Variants in GPC5 observed in about 807,000 individuals in gnomAD.
GPC5 encodes the protein glypican 5, also known as glypican-5.
In GPC5, 47 loss-of-function variants were observed where a neutral mutation model predicts 53.9. The ratio of observed to expected loss-of-function variants is 0.87; its 90% confidence interval spans 0.69 to 1.11. GPC5 has a LOEUF of 1.11. Ranked by LOEUF, GPC5 falls within the 50% of genes most tolerant of loss-of-function variation. The pLI is 0.00. For synonymous variants in GPC5, 286 were observed against 263.3 expected, an observed-to-expected ratio of 1.09 and a Z score of -0.84; for missense variants, 748 against 713.1, an observed-to-expected ratio of 1.05 and a Z score of -0.56.
chr13:92,666,679 A>G (rs1308371048), intron 7 of GPC5, among the ~76,000 whole-genome samples: 1 of 152,212 alleles, frequency 6.6e-6, no homozygotes, highest in East Asian at 1.9e-4. Context: ...CTTTTAATGC[A>G]ATTTGAAGGG....
chr13:91,492,603 T>C (rs778274598), intron 2 of GPC5, among the ~76,000 whole-genome samples: 14 of 152,324 alleles, frequency 9.2e-5, no homozygotes, highest in Non-Finnish European at 1.5e-4. Context: ...GCCCACACAT[T>C]GTGGAGTACC....
intron 7 of GPC5, among the ~76,000 whole-genome samples, chr13:92,799,974 T>C (rs1156929654): frequency 1.3e-5 from 2 of 151,834 alleles, no homozygotes; most frequent in African/African-American, 4.8e-5. Context: ...GTTAGCTAGT[T>C]CTCACCTTAC....
chr13:91,820,674 A>AG (rs2038478006), intron 5 of GPC5, among the ~76,000 whole-genome samples: 1 of 152,190 alleles, frequency 6.6e-6, no homozygotes, highest in Admixed American at 6.5e-5. Context: ...TCAAGAATAT[A>AG]CTTCCAGGGC....
At chr13:92,432,353 G>A (rs558775157) in intron 7 of GPC5, among the ~76,000 whole-genome samples, 21 of 145,180 alleles carry the variant, frequency 1.4e-4, no homozygotes, top group African/African-American at 5.3e-4. Flanking sequence ...ATTGTTGGTG[G>A]TGGGTTTTTT....
In GPC5 at chr13:92,447,705, T is replaced by C. The variant is rs569864684; in HGVS notation, c.1561+302716T>C. On this transcript the variant is annotated intron_variant, in intron 7 of 7. Coordinates refer to ENST00000377067, the MANE Select transcript of GPC5 (RefSeq NM_004466.6). ...TATTATTACCTTCGCATTTTAAAGATGACATGAAATGTAAAGATCATTTAA... is the reference window on the plus strand; with the variant it reads ...TATTATTACCTTCGCATTTTAAAGACGACATGAAATGTAAAGATCATTTAA... 5 of 152,248 alleles carry C rather than the reference T, an allele frequency of 3.3e-5. No individual in the cohort carries two copies. In the South Asian group the frequency reaches 8.3e-4, roughly 25 times the overall value. The allele number at this position is 152,248 out of a possible 1,614,324, so 9.4% of individuals were successfully genotyped here. A position where few individuals can be genotyped will look rare whatever the true frequency, so the allele number is the denominator to read the frequency against.
At position 92,550,146 on chromosome 13, in the gene GPC5, A is replaced by G. The variant is rs143865180; in HGVS notation, c.1562-316136A>G. ...TTATTTCTACATGTAATTTGATTCC[A>G]TTTATATTACTTAGATGTATATTTA... is the stretch of plus-strand genomic sequence containing the variant. On this transcript the variant is annotated intron_variant, in intron 7 of 7. Transcript: ENST00000377067. Among the ~76,000 whole-genome samples the G allele has an allele frequency of 2.2e-3, 327 of 151,888 alleles. 1 individual carries two copies. The highest frequency in any genetic ancestry group is 3.2e-3 in the Non-Finnish European group (217 of 67,816).
intron 7 of GPC5, among the ~76,000 whole-genome samples, chr13:92,863,657 C>A (rs1199882088): frequency 1.3e-5 from 2 of 152,116 alleles, no homozygotes; most frequent in Non-Finnish European, 2.9e-5. Flanking sequence ...CCACACCTGG[C>A]TAATTTTGTA....
At chr13:92,659,312 T>C (rs550233178) in intron 7 of GPC5, 51 of 152,264 alleles carry the variant, frequency 3.3e-4, no homozygotes, top group African/African-American at 1.2e-3. Context: ...TGTAGTTTCA[T>C]ATACAATTTG....
At chr13:92,486,415 T>A (rs1482697157) in intron 7 of GPC5, among the ~76,000 whole-genome samples, 2 of 152,220 alleles carry the variant, frequency 1.3e-5, no homozygotes, top group African/African-American at 4.8e-5. Context: ...TTTTGTAAAA[T>A]AGAAACCACA....
intron 5 of GPC5, among the ~76,000 whole-genome samples, chr13:91,798,224 G>A (rs193037991): frequency 2.0e-5 from 3 of 152,096 alleles, no homozygotes; most frequent in Non-Finnish European, 2.9e-5. Flanking sequence ...TGTAGGAAGC[G>A]CAGGTTTGTT....
In GPC5 at chr13:92,866,671, C is replaced by T; in HGVS notation, c.*232C>T. 3.2e-6 allele frequency: 1 copy of T among 309,978 alleles called. No homozygotes were observed. 19.2% of individuals were successfully genotyped at this position (309,978 alleles called of 1,614,324 possible). On this transcript the variant is annotated 3_prime_UTR_variant, in exon 8 of 8. Transcript: ENST00000377067. ...TCAATCTAACTGAAAACCTTCTTAA[C>T]TTCTAATATATTAAATCTGAAGATG...
intron 7 of GPC5, among the ~76,000 whole-genome samples, chr13:92,637,322 A>G (rs959255731): frequency 1.3e-5 from 2 of 152,204 alleles, no homozygotes; most frequent in African/African-American, 4.8e-5. Context: ...CTATCCACAG[A>G]GAGAGCTTCA....
chr13:92,186,373 CT>C (rs1593974094), intron 7 of GPC5, among the ~76,000 whole-genome samples: 1 of 151,772 alleles, frequency 6.6e-6, no homozygotes, highest in African/African-American at 2.4e-5. Context: ...TTTCCAGAGA[CT>C]GCAAGGGAAA....
intron 7 of GPC5, among the ~76,000 whole-genome samples, chr13:92,718,665 G>A (rs144080811): frequency 7.1e-4 from 108 of 152,076 alleles, no homozygotes; most frequent in Middle Eastern, 6.8e-3. Context: ...TACAGTCAAC[G>A]GGGTTAAAGA....
intron 5 of GPC5, among the ~76,000 whole-genome samples, chr13:91,790,557 AG>A (rs1158045715): frequency 1.3e-5 from 2 of 152,202 alleles, no homozygotes; most frequent in Non-Finnish European, 2.9e-5. Context: ...AGCTTATGTT[AG>A]GGGTATAATG....
intron 3 of GPC5, among the ~76,000 whole-genome samples, chr13:91,696,888 G>A (rs1301837468): frequency 1.3e-5 from 2 of 152,164 alleles, no homozygotes; most frequent in Non-Finnish European, 2.9e-5. Flanking sequence ...GGAATTAAAA[G>A]CACAAGTCCA....
chr13:92,109,938 C>A (rs910068652), intron 6 of GPC5, among the ~76,000 whole-genome samples: 2 of 151,936 alleles, frequency 1.3e-5, no homozygotes, highest in Non-Finnish European at 2.9e-5. Context: ...ACCTAAGAAA[C>A]TTACAAAACA....
intron 7 of GPC5, among the ~76,000 whole-genome samples, chr13:92,694,926 C>T (rs555782732): frequency 1.3e-5 from 2 of 152,224 alleles, no homozygotes; most frequent in East Asian, 1.9e-4. Context: ...GTGATTAGAT[C>T]GGTGTAGGGT....
At chr13:92,581,330 C>A (rs1279359621) in intron 7 of GPC5, among the ~76,000 whole-genome samples, 3 of 152,100 alleles carry the variant, frequency 2.0e-5, no homozygotes, top group Non-Finnish European at 4.4e-5. Flanking sequence ...ATTTGTCTTT[C>A]TGTGCCTAGT....
Sources: gnomAD v4.1 joint callset for allele counts (sites outside exome capture counted in the v4.1 genomes callset) on GRCh38, gnomAD v4.1.1 for gene constraint, MANE v1.5 for transcripts, NCBI Gene and HGNC (gene_info 2026-07-23, HGNC 2026-07-21) for gene names.